The following NPDC1 variants were observed in gnomAD, a reference collection of about 807,000 sequenced individuals.
The protein encoded by NPDC1 is neural proliferation differentiation and control protein 1.
Under a neutral mutation model 32.5 loss-of-function variants are expected in NPDC1, and 18 were observed. That is an observed-to-expected ratio of 0.55 (90% CI 0.38 to 0.82). The LOEUF (loss-of-function observed/expected upper bound fraction) is 0.82, where lower values mean the gene tolerates loss of function less well. Ranked by LOEUF, NPDC1 falls within the 40% of genes least tolerant of loss-of-function variation. The pLI, the probability that NPDC1 is intolerant of heterozygous loss-of-function variation, is 0.00. For synonymous variants in NPDC1, 210 were observed against 184.7 expected (o/e 1.14, Z -1.11); for missense variants, 468 against 406.6 (o/e 1.15, Z -1.30).
chr9:137,042,848 G>T (rs888198707), intron 2 of NPDC1, 79 bp downstream of exon 2: 4 of 1,511,210 alleles, frequency 2.6e-6, no homozygotes, highest in African/African-American at 2.8e-5. Flanking sequence ...ATGAGCCACC[G>T]CGCCCAGCCG....
chr9:137,044,754 C>G (rs996709194), intron 1 of NPDC1, among the ~76,000 whole-genome samples: 2 of 152,250 alleles, frequency 1.3e-5, no homozygotes, highest in African/African-American at 4.8e-5. Context: ...CTGCCACCCA[C>G]CCGGGCTCAG....
intron 1 of NPDC1, among the ~76,000 whole-genome samples, chr9:137,044,536 TC>T (rs1029456303): frequency 6.6e-6 from 1 of 151,912 alleles, no homozygotes; most frequent in Non-Finnish European, 1.5e-5. Context: ...CCCCACTTCC[TC>T]CTCCTGAAAA....
At chr9:137,040,303 G>C (rs1425336048) in intron 7 of NPDC1, 54 bp downstream of exon 7, 1 of 1,474,428 alleles carries the variant, frequency 6.8e-7, no homozygotes, top group East Asian at 2.5e-5. Flanking sequence ...TGGAGGTGGA[G>C]GTGGGGATGG....
At chr9:137,041,247 G>A (rs534639576) in intron 2 of NPDC1, 60 bp from the exon 3 acceptor site, 38 of 1,345,180 alleles carry the variant, frequency 2.8e-5, no homozygotes, top group African/African-American at 9.1e-5. Flanking sequence ...CCCCAGGCCC[G>A]GCCTCCCCGC....
At chr9:137,043,133 A>C in intron 1 of NPDC1, 60 bp from the exon 2 acceptor site, 1 of 1,570,054 alleles carries the variant, frequency 6.4e-7, no homozygotes, top group Non-Finnish European at 8.7e-7. Context: ...GCCCCTGCAC[A>C]CGGCAGCGCT....
intron 1 of NPDC1, 25 bp from the exon 2 acceptor site, chr9:137,043,098 CCGGCTCACGGCCCCGCAGGGCT>C (rs1832081998): frequency 6.2e-7 from 1 of 1,610,600 alleles, no homozygotes; most frequent in Non-Finnish European, 8.5e-7. Flanking sequence ...GAAGGCAGGG[CCGGCTCACGGCCCCGCAGGGCT>C]CGGCCCCTGC....
rs369489902 is a variant in NPDC1 at position 137,039,850 on chromosome 9, C to T, written c.900G>A (p.Glu300=). 9.0e-6 allele frequency: 7 copies of T among 779,392 alleles called. No individual in the cohort carries two copies. Among genetic ancestry groups the T allele is most frequent in the Non-Finnish European group, 1.7e-5 (7 of 417,980 alleles). 48.3% of individuals were successfully genotyped at this position (779,392 alleles called of 1,614,324 possible). A position where few individuals can be genotyped will look rare whatever the true frequency, so the allele number is the denominator to read the frequency against. ...CPGLAPTGEM[E]VRNPLFDHAA... The stretch of plus-strand genomic sequence containing the variant: ...CGTGGTCGAACAGAGGGTTGCGCAC[C>T]TCCATTTCCCCGGTCTGCGAATGTG... Residue 300 remains glutamate (E), a synonymous_variant, in exon 9 of 9, where the codon GAG becomes GAA. Transcript: ENST00000371601.
rs778788504 is a variant in NPDC1, at chr9:137,040,756, GAGGGCGGCCTTCTGC to G, written c.557-34_557-20del. 26 of 1,587,404 alleles carry G rather than the reference GAGGGCGGCCTTCTGC, an allele frequency of 1.6e-5. No individual in the cohort carries two copies. Among genetic ancestry groups the G allele is most frequent in the Admixed American group, 3.5e-5 (2 of 56,794 alleles). ...ATCAGCACTGCAGGAGGGGGCGTGTGAGGGCGGCCTTCTGCAGGGCGCCCTGCTGCCCCTGCCCAC... is the reference window on the plus strand; with the variant it reads ...ATCAGCACTGCAGGAGGGGGCGTGTGAGGGCGCCCTGCTGCCCCTGCCCAC... On this transcript the variant is annotated intron_variant, in intron 4 of 8. Coordinates refer to ENST00000371601, the MANE Select transcript of NPDC1 (RefSeq NM_015392.4).
rs1484240300 is a variant in NPDC1, at chr9:137,040,883, C to T, written c.487G>A (p.Val163Met). 1 of 1,594,482 alleles carries T rather than the reference C, an allele frequency of 6.3e-7. No homozygotes were observed. The highest frequency in any genetic ancestry group is 1.8e-5 in the Admixed American group (1 of 56,902). ...GACATGTGCACCGGGTCGGATGACA[C>T]AGGGGAGCCCAGGGAGGTGTGGGGC... ...PTPHTSLGSP[V>M]SSDPVHMSPL... is the part of the protein sequence containing the mutation. Residue 163 changes from valine (V) to methionine (M), a missense_variant, in exon 4 of 9, where the codon GTG (valine) becomes ATG (methionine). By Grantham distance (21) the Val-to-Met change is conservative (BLOSUM62 1). Coordinates refer to ENST00000371601, the MANE Select transcript of NPDC1 (RefSeq NM_015392.4).
rs1326932880 is a variant in NPDC1, at chr9:137,042,923, G to T, written c.259+4C>A. ...CCCATCGACTTCCCCCTTTGCTCTC[G>T]TACCTGGAGGCCGGCGCATCCTGGG... On this transcript the variant is annotated splice_donor_region_variant and intron_variant, in intron 2 of 8. Coordinates refer to ENST00000371601, the MANE Select transcript of NPDC1 (RefSeq NM_015392.4). The T allele has an allele frequency of 1.3e-6, 2 of 1,590,528 alleles. No homozygotes were observed. The highest frequency in any genetic ancestry group is 1.8e-5 in the Admixed American group (1 of 56,748).
At chr9:137,042,385 C>T (rs1261049762) in intron 2 of NPDC1, among the ~76,000 whole-genome samples, 1 of 151,522 alleles carries the variant, frequency 6.6e-6, no homozygotes, top group African/African-American at 2.4e-5. Flanking sequence ...TCCCGAGTAG[C>T]TGGGACTACA....
intron 2 of NPDC1, 89 bp downstream of exon 2, chr9:137,042,838 A>G (rs1832077816): frequency 8.1e-6 from 12 of 1,486,190 alleles, no homozygotes; most frequent in South Asian, 4.0e-5. Flanking sequence ...GATTACAGGC[A>G]TGAGCCACCG....
rs143244193 is a variant in NPDC1, at chr9:137,041,082, C to T, written c.365G>A (p.Arg122Gln). Reference sequence around the variant, plus strand: ...CTCACCAGGCTCCGGGAGCCGCTGTCGGTCCTTGGGTAGGGGCGGAGTTGA... The same window carrying T: ...CTCACCAGGCTCCGGGAGCCGCTGTTGGTCCTTGGGTAGGGGCGGAGTTGA... ...GHSTPPLPKD[R>Q]QRLPEPATLG... Residue 122 changes from arginine (R) to glutamine (Q), a missense_variant, in exon 3 of 9, where the codon CGA becomes CAA. Arg to Gln is a conservative substitution (Grantham distance 43, BLOSUM62 1). Coordinates refer to ENST00000371601, the MANE Select transcript of NPDC1 (RefSeq NM_015392.4). The T allele has an allele frequency of 2.2e-5, 34 of 1,526,486 alleles. No individual in the cohort carries two copies. Among genetic ancestry groups the T allele is most frequent in the Non-Finnish European group, 2.6e-5 (30 of 1,139,010 alleles). The allele number at this position is 1,526,486 out of a possible 1,614,324, so 94.6% of individuals were successfully genotyped here. A position where few individuals can be genotyped will look rare whatever the true frequency, so the allele number is the denominator to read the frequency against.
Position 137,040,532 on chromosome 9 carries a change from A to C in NPDC1, c.690T>G (p.Pro230=). 6.3e-7 allele frequency: 1 copy of C among 1,589,928 alleles called. No homozygotes were observed. Among genetic ancestry groups the C allele is most frequent in the East Asian group, 2.3e-5 (1 of 43,968 alleles). The change falls in exon 6 of 9, where the codon CCT becomes CCG. Residue 230 remains proline, a synonymous_variant. Coordinates refer to ENST00000371601, the MANE Select transcript of NPDC1 (RefSeq NM_015392.4). ...DYATAKAPGS[P]AAPRISPGDQ... ...CACACACCGAGATCCGGGGAGCTGC[A>C]GGTGAGCCAGGGGCCTTCGCAGTGG...
intron 2 of NPDC1, among the ~76,000 whole-genome samples, chr9:137,041,989 G>A (rs1832063474): frequency 6.6e-6 from 1 of 152,244 alleles, no homozygotes; most frequent in East Asian, 1.9e-4. Flanking sequence ...GTGGGGGCCT[G>A]GAGGGCTTCT....
intron 2 of NPDC1, among the ~76,000 whole-genome samples, chr9:137,042,564 T>C (rs1441899819): frequency 2.2e-5 from 3 of 134,660 alleles, no homozygotes; most frequent in Admixed American, 7.3e-5. Context: ...GCCTTCTTTT[T>C]TTTTTTTTTT....
chr9:137,040,427 G>C lies in NPDC1; in HGVS notation c.718C>G (p.Gln240Glu). The part of the protein sequence containing the change: ...PAAPRISPGD[Q>E]RLAQSAEMYH... ...ATCTCCGCGCTCTGTGCCAGCCGCT[G>C]GTCCCCAGGCTGTGGGAAGGAGGAG... is the stretch of plus-strand genomic sequence containing the variant. Residue 240 changes from glutamine (Q) to glutamate (E), a missense_variant, in exon 7 of 9, where the codon CAG becomes GAG. Physicochemically the swap from Gln to Glu is conservative, Grantham distance 29. Coordinates refer to ENST00000371601, the MANE Select transcript of NPDC1 (RefSeq NM_015392.4). 1 of 1,553,294 alleles carries C rather than the reference G, an allele frequency of 6.4e-7. No individual in the cohort carries two copies. The highest frequency in any genetic ancestry group is 8.7e-7 in the Non-Finnish European group (1 of 1,149,578).
intron 1 of NPDC1, among the ~76,000 whole-genome samples, chr9:137,044,836 G>A (rs1404698777): frequency 6.6e-6 from 1 of 152,196 alleles, no homozygotes; most frequent in Non-Finnish European, 1.5e-5. Context: ...TCTGATTCTC[G>A]GAAGCCTCTC....
intron 2 of NPDC1, 91 bp from the exon 3 acceptor site, chr9:137,041,278 G>C (rs1832048045): frequency 7.7e-7 from 1 of 1,300,108 alleles, no homozygotes; most frequent in Non-Finnish European, 9.9e-7. Flanking sequence ...TTCCTCCCAG[G>C]AGCCTGAGGA....
Sources: gnomAD v4.1 joint callset for allele counts (sites outside exome capture counted in the v4.1 genomes callset) on GRCh38, gnomAD v4.1.1 for gene constraint, MANE v1.5 for transcripts, NCBI Gene and HGNC (gene_info 2026-07-23, HGNC 2026-07-21) for gene names.